The following CEP112 variants were observed in gnomAD, a reference collection of about 807,000 sequenced individuals.
CEP112 encodes centrosomal protein 112.
Under a neutral mutation model 153.0 loss-of-function variants are expected in CEP112, and 127 were observed. That is an observed-to-expected ratio of 0.83 (90% confidence interval 0.72 to 0.96). The LOEUF is 0.96. CEP112 is among the 40% of genes least tolerant of loss of function. The probability of loss-of-function intolerance (pLI) is 0.00; values close to 1 mark genes in which losing one functional copy is unlikely to be tolerated. For missense variants in CEP112, 1,089 were observed against 1,101.2 expected (o/e 0.99, Z 0.16); for synonymous variants, 358 against 374.4 (o/e 0.96, Z 0.51).
At chr17:65,765,569 T>C (rs1185795425) in intron 21 of CEP112, among the ~76,000 whole-genome samples, 1 of 152,090 alleles carries the variant, frequency 6.6e-6, no homozygotes, top group Non-Finnish European at 1.5e-5. Context: ...TTGCAAGCCA[T>C]GTTAGACCCA....
At chr17:65,767,438 G>C (rs552824434) in intron 21 of CEP112, among the ~76,000 whole-genome samples, 6 of 151,914 alleles carry the variant, frequency 3.9e-5, no homozygotes, top group Admixed American at 2.6e-4. Flanking sequence ...CATTTAAAAA[G>C]AAGATCCCAA....
intron 24 of CEP112, among the ~76,000 whole-genome samples, chr17:65,655,800 CAT>C (rs781772716): frequency 1.3e-4 from 20 of 152,004 alleles, no homozygotes; most frequent in South Asian, 1.2e-3. Flanking sequence ...AAAATAAACA[CAT>C]GTGAATATTA....
chr17:65,717,100 A>T (rs1397691162), intron 23 of CEP112, among the ~76,000 whole-genome samples: 1 of 152,364 alleles, frequency 6.6e-6, no homozygotes, highest in African/African-American at 2.4e-5. Flanking sequence ...TCCATTTTTT[A>T]AAATTCCTAG....
At chr17:65,951,245 C>G (rs1403754063) in intron 18 of CEP112, among the ~76,000 whole-genome samples, 1 of 152,136 alleles carries the variant, frequency 6.6e-6, no homozygotes, top group Non-Finnish European at 1.5e-5. Flanking sequence ...ACTGGCCTCA[C>G]AGAATTAACT....
chr17:66,165,789 G>A (rs2071929641), intron 4 of CEP112, among the ~76,000 whole-genome samples: 1 of 152,160 alleles, frequency 6.6e-6, no homozygotes, highest in Non-Finnish European at 1.5e-5. Flanking sequence ...CTATATTGGG[G>A]TAAGACATAC....
At chr17:66,164,886 A>ATGTGTGTGTGTGTGTG (rs57252258) in intron 4 of CEP112, among the ~76,000 whole-genome samples, 1 of 137,506 alleles carries the variant, frequency 7.3e-6, no homozygotes, top group African/African-American at 2.7e-5. Context: ...ACACACATAT[A>ATGTGTGTGTGTGTGTG]TGTGTGTGTG....
chr17:65,929,517 A>G (rs1311208427), intron 18 of CEP112, among the ~76,000 whole-genome samples: 1 of 152,140 alleles, frequency 6.6e-6, no homozygotes, highest in African/African-American at 2.4e-5. Context: ...TAAATTGTAC[A>G]TTGCAATTCC....
intron 12 of CEP112, among the ~76,000 whole-genome samples, chr17:66,035,052 C>A (rs142392847): frequency 4.1e-4 from 60 of 146,386 alleles, no homozygotes; most frequent in Middle Eastern, 3.6e-3. Flanking sequence ...GTTGCCCAGG[C>A]TGGTCCTGAA....
At chr17:66,074,873 G>GAAAAAA (rs1242846957) in intron 8 of CEP112, among the ~76,000 whole-genome samples, 1 of 91,278 alleles carries the variant, frequency 1.1e-5, no homozygotes, top group African/African-American at 4.0e-5. Context: ...AAAAAAAAAA[G>GAAAAAA]AAAAAAAAAA....
chr17:65,941,651 T>C (rs1057377972), intron 18 of CEP112: 1 of 152,218 alleles, frequency 6.6e-6, no homozygotes, highest in Non-Finnish European at 1.5e-5. Flanking sequence ...CTTTATTGTG[T>C]AACTCAGGCT....
chr17:66,158,561 G>A (rs545698460), intron 4 of CEP112, among the ~76,000 whole-genome samples: 4 of 152,172 alleles, frequency 2.6e-5, no homozygotes, highest in South Asian at 4.1e-4. Context: ...GCAGTCAGCC[G>A]AGATCGCGCC....
In CEP112 at chr17:65,866,093, G is replaced by A. The variant is rs960945241; in HGVS notation, c.2164-14059C>T. ...TGGGTGCAACTGCAGCCACCCAGAC[G>A]CAGCCACGTACCCAGGCATCTCAGC... On this transcript the variant is annotated intron_variant, in intron 20 of 26. Coordinates refer to ENST00000535342, the MANE Select transcript of CEP112 (RefSeq NM_001199165.4). 3.9e-5 allele frequency among the ~76,000 whole-genome samples: 6 copies of A among 152,092 alleles called. No homozygotes were observed. In the South Asian group the frequency reaches 6.2e-4, roughly 16 times the overall value.
chr17:65,728,629 A>G lies in CEP112; in HGVS notation c.2607+14439T>C, dbSNP rs548044194. Among the ~76,000 whole-genome samples, 24 of 152,338 alleles carry G rather than the reference A, an allele frequency of 1.6e-4. No homozygotes were observed. The South Asian group carries it at 2.7e-3, about 17-fold the overall frequency. On this transcript the variant is annotated intron_variant, in intron 23 of 26. Coordinates refer to ENST00000535342, the MANE Select transcript of CEP112 (RefSeq NM_001199165.4). ...ATGCCATTGTGGTATAATTGCCTATAGTACAGCATGTTACTATACTGTAAC... is the reference window on the plus strand; with the variant it reads ...ATGCCATTGTGGTATAATTGCCTATGGTACAGCATGTTACTATACTGTAAC...
chr17:65,862,548 A>G (rs147268291), intron 20 of CEP112, among the ~76,000 whole-genome samples: 3,572 of 152,326 alleles, frequency 0.023, 63 homozygotes, highest in Non-Finnish European at 0.035. Flanking sequence ...AGATCGTGCC[A>G]CTGACTCCAG....
At chr17:65,640,925 C>T (rs777732780) in intron 25 of CEP112, 39 bp downstream of exon 25, 4 of 1,117,624 alleles carry the variant, frequency 3.6e-6, no homozygotes, top group Non-Finnish European at 5.5e-6. Flanking sequence ...TCAGAGTATC[C>T]CCTAAATCCT....
intron 23 of CEP112, among the ~76,000 whole-genome samples, chr17:65,711,851 C>A (rs1407081260): frequency 6.6e-6 from 1 of 152,210 alleles, no homozygotes; most frequent in Non-Finnish European, 1.5e-5. Context: ...GTTTCAGGTA[C>A]CACGTCCGTT....
At chr17:65,786,925 G>A (rs2054309485) in intron 21 of CEP112, among the ~76,000 whole-genome samples, 1 of 151,942 alleles carries the variant, frequency 6.6e-6, no homozygotes, top group Admixed American at 6.6e-5. Context: ...TCTGACACAT[G>A]CCAAATTTCT....
intron 19 of CEP112, among the ~76,000 whole-genome samples, chr17:65,925,894 A>G (rs760923561): frequency 1.9e-4 from 29 of 152,212 alleles, no homozygotes; most frequent in Non-Finnish European, 3.7e-4. Flanking sequence ...TCCTCAAAGG[A>G]CACGTGACAT....
chr17:66,077,384 G>A (rs1405962961), intron 8 of CEP112, among the ~76,000 whole-genome samples: 1 of 152,080 alleles, frequency 6.6e-6, no homozygotes, highest in East Asian at 1.9e-4. Context: ...GGAAAACATT[G>A]GACACACTTA....
Sources: gnomAD v4.1 joint callset for allele counts (sites outside exome capture counted in the v4.1 genomes callset) on GRCh38, gnomAD v4.1.1 for gene constraint, MANE v1.5 for transcripts, NCBI Gene and HGNC (gene_info 2026-07-23, HGNC 2026-07-21) for gene names.